Variants in HMGA1 observed in about 807,000 individuals in gnomAD.
HMGA1 encodes high mobility group AT-hook 1, also known as high mobility group protein HMG-I/HMG-Y.
In HMGA1, 1 loss-of-function variant was observed where a neutral mutation model predicts 15.1. The ratio of observed to expected loss-of-function variants is 0.07; its 90% CI spans 0.02 to 0.31. HMGA1 has a LOEUF of 0.31. Ranked by LOEUF, HMGA1 falls within the 10% of genes least tolerant of loss-of-function variation. The pLI, the probability that HMGA1 is intolerant of heterozygous loss-of-function variation, is 1.00. For synonymous variants in HMGA1, 56 were observed against 54.8 expected, an observed-to-expected ratio of 1.02 and a Z score of -0.10; for missense variants, 94 against 141.4, an observed-to-expected ratio of 0.66 and a Z score of 1.70.
intron 4 of HMGA1, 115 bp downstream of exon 4, chr6:34,242,910 G>A: frequency 1.3e-6 from 1 of 767,070 alleles, no homozygotes; most frequent in East Asian, 2.7e-5. Context: ...TCTCAGTTGT[G>A]TACCCCCTTC....
rs1470452746 is a variant in HMGA1, at chr6:34,243,464, C to A, written c.220-4C>A. ...CTTAGGAGATATTTTCTCTAACCCT[C>A]TAGAAAACCACCACAACTCCAGGAA... is the stretch of plus-strand genomic sequence containing the variant. On this transcript the variant is annotated splice_polypyrimidine_tract_variant and splice_region_variant and intron_variant, in intron 4 of 5. Transcript: ENST00000311487. The A allele has an allele frequency of 1.9e-6, 3 of 1,612,516 alleles. No homozygotes were observed. In the South Asian group the frequency reaches 3.3e-5, roughly 18 times the overall value.
At chr6:34,241,534 A>T (rs1448120933) in intron 3 of HMGA1, among the ~76,000 whole-genome samples, 1 of 152,132 alleles carries the variant, frequency 6.6e-6, no homozygotes. Flanking sequence ...AATGTTGGGG[A>T]GTTGGTGGCA....
chr6:34,241,210 A>AC (rs1280050605), intron 3 of HMGA1, among the ~76,000 whole-genome samples: 21 of 152,326 alleles, frequency 1.4e-4, no homozygotes, highest in African/African-American at 5.1e-4. Flanking sequence ...AGTGCTTAAA[A>AC]CACTCGCCTT....
In HMGA1 at chr6:34,243,494, A is replaced by G; in HGVS notation, c.246A>G (p.Lys82=). Reference sequence around the variant, plus strand: ...AAACCACCACAACTCCAGGAAGGAAACCAAGGGGCAGACCCAAAAAACTGG... The same window carrying G: ...AAACCACCACAACTCCAGGAAGGAAGCCAAGGGGCAGACCCAAAAAACTGG... ...TRKTTTTPGR[K]PRGRPKKLEK... The change falls in exon 5 of 6, where the codon AAA becomes AAG. Residue 82 remains lysine (K), a synonymous_variant. Transcript: ENST00000311487. The G allele has an allele frequency of 6.2e-7, 1 of 1,613,858 alleles. No homozygotes were observed. Among genetic ancestry groups the G allele is most frequent in the Non-Finnish European group, 8.5e-7 (1 of 1,179,824 alleles).
intron 2 of HMGA1, among the ~76,000 whole-genome samples, chr6:34,239,987 T>A (rs1029328079): frequency 6.6e-6 from 1 of 152,124 alleles, no homozygotes; most frequent in African/African-American, 2.4e-5. Context: ...TGACTCCAGT[T>A]GGGCAGAGGA....
chr6:34,240,706 G>A (rs754310718), intron 2 of HMGA1, 31 bp from the exon 3 acceptor site: 12 of 1,568,876 alleles, frequency 7.6e-6, no homozygotes, highest in Non-Finnish European at 9.6e-6. Context: ...GAAGCGAGAT[G>A]TTTGTCTAAA....
rs2780224 is a variant in HMGA1, at chr6:34,238,401, G to A, written c.-45+1084G>A. 5.7e-3 allele frequency among the ~76,000 whole-genome samples: 863 copies of A among 152,342 alleles called. 9 individuals are homozygous for A. The highest frequency in any genetic ancestry group is 9.6e-3 in the Non-Finnish European group (655 of 68,030). On this transcript the variant is annotated intron_variant, in intron 2 of 5. Transcript: ENST00000311487. ...GCTAGGCGGGTAGGCAAAGTGTCGG[G>A]TTGAAAGGGTCTCCGGGAACCTACT...
At chr6:34,240,377 C>T (rs1373665487) in intron 2 of HMGA1, among the ~76,000 whole-genome samples, 5 of 152,182 alleles carry the variant, frequency 3.3e-5, no homozygotes, top group South Asian at 2.1e-4. Context: ...GCTGGCAATA[C>T]GTCAGATCTC....
At chr6:34,243,406 G>T in intron 4 of HMGA1, 62 bp from the exon 5 acceptor site, 1 of 1,303,386 alleles carries the variant, frequency 7.7e-7, no homozygotes, top group Non-Finnish European at 1.1e-6. Flanking sequence ...CATCACTATT[G>T]GGCATCGGGT....
chr6:34,239,020 A>G (rs559942396), intron 2 of HMGA1: 1 of 152,226 alleles, frequency 6.6e-6, no homozygotes, highest in Non-Finnish European at 1.5e-5. Context: ...GTGGTGTAAT[A>G]TAAGATTCTA....
chr6:34,244,278 G>T (rs1762539190), intron 5 of HMGA1, among the ~76,000 whole-genome samples: 2 of 152,078 alleles, frequency 1.3e-5, no homozygotes, highest in African/African-American at 4.8e-5. Flanking sequence ...CCCGTGTGGT[G>T]TCCCGACATT....
Position 34,245,454 on chromosome 6 carries a change from G to T in HMGA1, c.*570G>T, listed in dbSNP as rs752656250. 6.4e-5 allele frequency: 88 copies of T among 1,375,236 alleles called. No individual in the cohort carries two copies. The highest frequency in any genetic ancestry group is 7.9e-5 in the Non-Finnish European group (82 of 1,037,534). The allele number at this position is 1,375,236 out of a possible 1,614,324, so 85.2% of individuals were successfully genotyped here. ...GCCAAACTGTCTTTGTCACCACGTGGGGCTCACTTTTCATCCTTCCCCAAC... is the reference window on the plus strand; with the variant it reads ...GCCAAACTGTCTTTGTCACCACGTGTGGCTCACTTTTCATCCTTCCCCAAC... On this transcript the variant is annotated 3_prime_UTR_variant, in exon 6 of 6. Transcript: ENST00000311487.
chr6:34,239,844 AG>A (rs766838016), intron 2 of HMGA1, among the ~76,000 whole-genome samples: 6 of 152,178 alleles, frequency 3.9e-5, no homozygotes, highest in Non-Finnish European at 5.9e-5. Context: ...AGAAGAAGGA[AG>A]ATGCTAGAAA....
intron 3 of HMGA1, 93 bp from the exon 4 acceptor site, chr6:34,242,619 G>A: frequency 2.3e-6 from 2 of 864,142 alleles, no homozygotes; most frequent in Non-Finnish European, 3.8e-6. Context: ...GGTTCTTGCT[G>A]ACTTAACCTT....
chr6:34,243,967 C>T (rs941804668), intron 5 of HMGA1, among the ~76,000 whole-genome samples: 2 of 152,042 alleles, frequency 1.3e-5, no homozygotes, highest in African/African-American at 4.8e-5. Context: ...TGATGTGACC[C>T]ACCACACTGC....
intron 3 of HMGA1, 69 bp downstream of exon 3, chr6:34,240,984 C>T: frequency 6.4e-7 from 1 of 1,573,308 alleles, no homozygotes; most frequent in South Asian, 1.1e-5. Flanking sequence ...GAGTTTCATT[C>T]AGCAGGCGAG....
intron 2 of HMGA1, among the ~76,000 whole-genome samples, 164 bp downstream of exon 2, chr6:34,237,481 C>T (rs1761868592): frequency 6.9e-6 from 1 of 143,966 alleles, no homozygotes; most frequent in Non-Finnish European, 1.5e-5. Flanking sequence ...GGCCGCGCGG[C>T]GCGGGGGCGG....
chr6:34,242,066 C>A lies in HMGA1; in HGVS notation c.136-646C>A, dbSNP rs76480976. On this transcript the variant is annotated intron_variant, in intron 3 of 5. Transcript: ENST00000311487. ...GCCCCCTAGGAAACAGTAGCTGGCGCGCCTTCACCACACACCTTATATGCA... is the reference window on the plus strand; with the variant it reads ...GCCCCCTAGGAAACAGTAGCTGGCGAGCCTTCACCACACACCTTATATGCA... 2.0e-5 allele frequency among the ~76,000 whole-genome samples: 3 copies of A among 152,326 alleles called. No homozygotes were observed. The East Asian group carries it at 5.8e-4, about 29-fold the overall frequency.
At chr6:34,238,268 C>G (rs117741261) in intron 2 of HMGA1, among the ~76,000 whole-genome samples, 8,179 of 152,128 alleles carry the variant, frequency 0.054, 477 homozygotes, top group Admixed American at 0.19. Context: ...CCCGCGCGCC[C>G]TGGCCCCGGG....
Sources: allele counts gnomAD v4.1 joint callset (sites outside exome capture counted in the v4.1 genomes callset), GRCh38; gene constraint gnomAD v4.1.1; transcripts MANE v1.5; gene names NCBI Gene and HGNC (gene_info 2026-07-23, HGNC 2026-07-21).